Variants in EIF4H observed in about 807,000 individuals in gnomAD.
EIF4H encodes the protein eukaryotic translation initiation factor 4H.
In EIF4H, 8 loss-of-function variants were observed where a neutral mutation model predicts 30.6. The ratio of observed to expected loss-of-function variants is 0.26; its 90% CI spans 0.15 to 0.47. The LOEUF (loss-of-function observed/expected upper bound fraction) is 0.47. Among genes scored for constraint, EIF4H ranks in the 20% least tolerant of loss-of-function variants. EIF4H has a pLI of 0.99. For synonymous variants in EIF4H, 106 were observed against 122.7 expected, an observed-to-expected ratio of 0.86 and a Z score of 0.90; for missense variants, 188 against 339.5, an observed-to-expected ratio of 0.55 and a Z score of 3.51.
At chr7:74,192,668 C>CTTTTTTTTTTTTTT (rs1297031468) in intron 5 of EIF4H, among the ~76,000 whole-genome samples, 1 of 93,186 alleles carries the variant, frequency 1.1e-5, no homozygotes, top group Non-Finnish European at 1.9e-5. Flanking sequence ...CTTTATGTGA[C>CTTTTTTTTTTTTTT]TTTTTTTTTT....
chr7:74,191,579 C>A (rs1554709969), intron 5 of EIF4H, among the ~76,000 whole-genome samples: 1 of 151,926 alleles, frequency 6.6e-6, no homozygotes, highest in Non-Finnish European at 1.5e-5. Context: ...GAGAGTAGAT[C>A]TTTTTTACTT....
rs1801340221 is a variant in EIF4H at position 74,195,899 on chromosome 7, C to A, written c.*591C>A. On this transcript the variant is annotated 3_prime_UTR_variant, in exon 7 of 7. Coordinates refer to ENST00000265753, the MANE Select transcript of EIF4H (RefSeq NM_022170.2). ...CTAGGATAAAAATATCTGCAGGGTC[C>A]TTTCCATTCCTATTTAGAGGGAGTC... The A allele has an allele frequency of 6.5e-6, 1 of 154,050 alleles. No individual in the cohort carries two copies. Among genetic ancestry groups the A allele is most frequent in the Non-Finnish European group, 1.5e-5 (1 of 68,068 alleles). 9.5% of individuals were successfully genotyped at this position (154,050 alleles called of 1,614,324 possible). A position where few individuals can be genotyped will look rare whatever the true frequency, so the allele number is the denominator to read the frequency against.
chr7:74,174,484 C>A (rs782360400), intron 1 of EIF4H, 42 bp downstream of exon 1: 3 of 1,343,812 alleles, frequency 2.2e-6, no homozygotes, highest in South Asian at 2.0e-5. Flanking sequence ...GCTGCGGGAC[C>A]GGCGGAGTCG....
intron 1 of EIF4H, among the ~76,000 whole-genome samples, chr7:74,185,912 C>G (rs1563951118): frequency 6.6e-6 from 1 of 150,760 alleles, no homozygotes; most frequent in African/African-American, 2.4e-5. Flanking sequence ...ATGTCTGTTT[C>G]AAAAAAAAAT....
rs1253378489 is a variant in EIF4H at position 74,187,593 on chromosome 7, G to A, written c.60-18G>A. On this transcript the variant is annotated intron_variant, in intron 1 of 6. Transcript: ENST00000265753. ...TCCACTCTGGGCACACTTGAATCCTGTTTGTCTCCCCTCCTAGGTCCCGCG... is the reference window on the plus strand; with the variant it reads ...TCCACTCTGGGCACACTTGAATCCTATTTGTCTCCCCTCCTAGGTCCCGCG... The A allele has an allele frequency of 2.6e-6, 4 of 1,550,024 alleles. No individual in the cohort carries two copies. The East Asian group carries it at 9.2e-5, about 36-fold the overall frequency.
intron 1 of EIF4H, among the ~76,000 whole-genome samples, chr7:74,184,086 C>G (rs543524683): frequency 6.6e-6 from 1 of 152,134 alleles, no homozygotes; most frequent in Non-Finnish European, 1.5e-5. Context: ...TATCTTTGCT[C>G]CAGAATTATA....
At chr7:74,187,572 C>T in intron 1 of EIF4H, 39 bp from the exon 2 acceptor site, 2 of 1,499,968 alleles carry the variant, frequency 1.3e-6, no homozygotes, top group Non-Finnish European at 1.8e-6. Context: ...GCTTATTCCA[C>T]TCTGGGCACA....
At chr7:74,177,795 A>ATATC (rs1554707893) in intron 1 of EIF4H, among the ~76,000 whole-genome samples, 1 of 152,176 alleles carries the variant, frequency 6.6e-6, no homozygotes. Flanking sequence ...ATTTGCTAAG[A>ATATC]GGTCTCTGCA....
chr7:74,189,800 A>G, intron 3 of EIF4H, 22 bp from the exon 4 acceptor site: 2 of 1,614,076 alleles, frequency 1.2e-6, no homozygotes, highest in Non-Finnish European at 1.7e-6. Context: ...CAATACTTAC[A>G]CTATTTTCCC....
intron 6 of EIF4H, 75 bp from the exon 7 acceptor site, chr7:74,195,094 C>A: frequency 6.4e-7 from 1 of 1,572,516 alleles, no homozygotes; most frequent in South Asian, 1.2e-5. Context: ...TTGCTGACAG[C>A]AACATCAGCA....
chr7:74,194,548 C>G (rs1198485324), intron 5 of EIF4H, among the ~76,000 whole-genome samples, 193 bp from the exon 6 acceptor site: 1 of 152,172 alleles, frequency 6.6e-6, no homozygotes, highest in Non-Finnish European at 1.5e-5. Context: ...TTTGGGAAGT[C>G]TGTTAGCGCT....
chr7:74,186,504 C>T (rs1475129172), intron 1 of EIF4H, among the ~76,000 whole-genome samples: 1 of 152,090 alleles, frequency 6.6e-6, no homozygotes, highest in Non-Finnish European at 1.5e-5. Context: ...CTCAGTTTTA[C>T]AAATAAAATA....
rs1248599445 is a variant in EIF4H, at chr7:74,189,589, G to A, written c.248-84G>A. 46 of 1,489,674 alleles carry A rather than the reference G, an allele frequency of 3.1e-5. No homozygotes were observed. In the African/African-American group the frequency reaches 3.2e-4, roughly 10 times the overall value. The allele number at this position is 1,489,674 out of a possible 1,614,324, so 92.3% of individuals were successfully genotyped here. On this transcript the variant is annotated intron_variant, in intron 2 of 6. Coordinates refer to ENST00000265753, the MANE Select transcript of EIF4H (RefSeq NM_022170.2). ...TAGACAACAGAATGGTAGTTGTGACGTGGAGAAGTAGTATGAATAGGATCT... is the reference window on the plus strand; with the variant it reads ...TAGACAACAGAATGGTAGTTGTGACATGGAGAAGTAGTATGAATAGGATCT...
intron 1 of EIF4H, among the ~76,000 whole-genome samples, chr7:74,180,976 T>TA (rs2115944836): frequency 6.6e-6 from 1 of 152,326 alleles, no homozygotes; most frequent in Admixed American, 6.5e-5. Flanking sequence ...CCTCAAGGGA[T>TA]ACTCCTGCCT....
chr7:74,177,929 CAT>C (rs1350650884), intron 1 of EIF4H, among the ~76,000 whole-genome samples: 1 of 152,156 alleles, frequency 6.6e-6, no homozygotes, highest in Non-Finnish European at 1.5e-5. Context: ...GTTTTCCCCA[CAT>C]ATGAGTTAGA....
chr7:74,193,399 G>A (rs1310462819), intron 5 of EIF4H, among the ~76,000 whole-genome samples: 1 of 152,146 alleles, frequency 6.6e-6, no homozygotes, highest in East Asian at 1.9e-4. Flanking sequence ...GAATTTTAGC[G>A]ACTGGGTGGA....
At chr7:74,191,534 G>A (rs1181818195) in intron 5 of EIF4H, among the ~76,000 whole-genome samples, 3 of 152,124 alleles carry the variant, frequency 2.0e-5, no homozygotes, top group Non-Finnish European at 4.4e-5. Context: ...ACTCGATGGA[G>A]TAATGGCTAA....
At chr7:74,183,835 C>G (rs1801020550) in intron 1 of EIF4H, 1 of 152,240 alleles carries the variant, frequency 6.6e-6, no homozygotes, top group South Asian at 2.1e-4. Context: ...ACACAGTGGA[C>G]ACTTTACCAG....
chr7:74,195,046 G>A, intron 6 of EIF4H, 123 bp from the exon 7 acceptor site: 3 of 1,527,604 alleles, frequency 2.0e-6, no homozygotes, highest in South Asian at 1.3e-5. Context: ...TCTGCTGTTG[G>A]GGTAGCAGGC....
Sources: allele counts gnomAD v4.1 joint callset (sites outside exome capture counted in the v4.1 genomes callset), GRCh38; gene constraint gnomAD v4.1.1; transcripts MANE v1.5; gene names NCBI Gene and HGNC (gene_info 2026-07-23, HGNC 2026-07-21).